The following EXT2 variants were observed in gnomAD, a reference collection of about 807,000 sequenced individuals.
EXT2 encodes the protein exostosin glycosyltransferase 2, also known as exostosin-2.
In EXT2, 53 loss-of-function variants were observed where a neutral mutation model predicts 81.6. The ratio of observed to expected loss-of-function variants is 0.65; its 90% CI spans 0.52 to 0.82. The LOEUF (loss-of-function observed/expected upper bound fraction) is 0.82, where lower values mean the gene tolerates loss of function less well. Among genes scored for constraint, EXT2 ranks in the 40% least tolerant of loss-of-function variants. The pLI is 0.00. For synonymous variants in EXT2, 320 were observed against 340.0 expected (o/e 0.94, Z 0.65); for missense variants, 774 against 910.2 (o/e 0.85, Z 1.93).
intron 7 of EXT2, among the ~76,000 whole-genome samples, chr11:44,139,572 C>G (rs1344753006): frequency 6.6e-6 from 1 of 152,152 alleles, no homozygotes; most frequent in Non-Finnish European, 1.5e-5. Context: ...TTTTCCTCTT[C>G]TCCCCATTTT....
At chr11:44,162,403 G>A (rs1024991189) in intron 7 of EXT2, among the ~76,000 whole-genome samples, 13 of 151,652 alleles carry the variant, frequency 8.6e-5, no homozygotes, top group Non-Finnish European at 1.3e-4. Context: ...TGGCAAAACT[G>A]CATCTCTACT....
At chr11:44,237,120 G>A (rs998959816) in intron 13 of EXT2, among the ~76,000 whole-genome samples, 1 of 152,100 alleles carries the variant, frequency 6.6e-6, no homozygotes, top group Non-Finnish European at 1.5e-5. Flanking sequence ...TCCCAGTAGT[G>A]CTTGTCAGGG....
intron 10 of EXT2, among the ~76,000 whole-genome samples, chr11:44,213,228 G>C (rs540951552): frequency 6.6e-6 from 1 of 152,116 alleles, no homozygotes; most frequent in Non-Finnish European, 1.5e-5. Context: ...CAAGTAGAAG[G>C]AAGAAAGCTA....
rs141646852 is a variant in EXT2 at position 44,159,730 on chromosome 11, A to C, written c.1174-11881A>C. On this transcript the variant is annotated intron_variant, in intron 7 of 13. Coordinates refer to ENST00000533608, the MANE Select transcript of EXT2 (RefSeq NM_207122.2). ...TTTGTTGAAGTACTGGGTGAAAGGA[A>C]CTCTGGGAAATAGGCCTTCAATGGT... 7.2e-5 allele frequency among the ~76,000 whole-genome samples: 11 copies of C among 152,252 alleles called. No individual in the cohort carries two copies. In the South Asian group the frequency reaches 1.2e-3, roughly 17 times the overall value.
At position 44,187,424 on chromosome 11, in the gene EXT2, C is replaced by T. The variant is rs921314971; in HGVS notation, c.1306-10405C>T. Among the ~76,000 whole-genome samples the T allele has an allele frequency of 4.6e-5, 7 of 152,156 alleles. No individual in the cohort carries two copies. The Middle Eastern group carries it at 0.01, about 222-fold the overall frequency. On this transcript the variant is annotated intron_variant, in intron 8 of 13. Transcript: ENST00000533608. ...CTCCTGGCCTCCAGCTCTTGAACTCCTGGCCTCGAGCAATCCTCCCACCCT... is the reference window on the plus strand; with the variant it reads ...CTCCTGGCCTCCAGCTCTTGAACTCTTGGCCTCGAGCAATCCTCCCACCCT...
chr11:44,234,073 C>G (rs749993579), intron 11 of EXT2, 42 bp from the exon 12 acceptor site: 4 of 1,613,494 alleles, frequency 2.5e-6, no homozygotes, highest in Non-Finnish European at 2.5e-6. Flanking sequence ...CTAAAGGGAA[C>G]TGCTATTTTT....
rs147967248 is a variant in EXT2, at chr11:44,111,551, C to T, written c.626+2268C>T. ...TTTTCTCAGATGTGTTCTGTAATACCGTTACTACCTTGGATTTCTTATCCT... is the reference window on the plus strand; with the variant it reads ...TTTTCTCAGATGTGTTCTGTAATACTGTTACTACCTTGGATTTCTTATCCT... On this transcript the variant is annotated intron_variant, in intron 3 of 13. Transcript: ENST00000533608. 6.4e-3 allele frequency among the ~76,000 whole-genome samples: 969 copies of T among 152,252 alleles called. 8 individuals carry two copies. The highest frequency in any genetic ancestry group is 0.021 in the African/African-American group (886 of 41,528).
At chr11:44,239,843 A>T (rs1281230315) in intron 13 of EXT2, among the ~76,000 whole-genome samples, 1 of 152,028 alleles carries the variant, frequency 6.6e-6, no homozygotes, top group Non-Finnish European at 1.5e-5. Context: ...GAGCCCAGTC[A>T]TCCCTCGGTA....
At chr11:44,221,758 A>C (rs1252504855) in intron 10 of EXT2, among the ~76,000 whole-genome samples, 4 of 152,244 alleles carry the variant, frequency 2.6e-5, no homozygotes, top group Admixed American at 2.6e-4. Context: ...CAGTGTATGT[A>C]GCTTTCGGAG....
chr11:44,114,131 T>G, intron 3 of EXT2, 54 bp from the exon 4 acceptor site: 2 of 1,422,620 alleles, frequency 1.4e-6, no homozygotes, highest in Non-Finnish European at 2.0e-6. Flanking sequence ...CCACAGTGTG[T>G]ATCAGAATAA....
chr11:44,172,379 G>T (rs995571191), intron 8 of EXT2, among the ~76,000 whole-genome samples: 1 of 152,066 alleles, frequency 6.6e-6, no homozygotes, highest in Non-Finnish European at 1.5e-5. Context: ...TGGCTTCTAG[G>T]CACAGCTTCT....
intron 6 of EXT2, among the ~76,000 whole-genome samples, chr11:44,129,356 C>T (rs1268539062): frequency 6.6e-6 from 1 of 152,232 alleles, no homozygotes; most frequent in Non-Finnish European, 1.5e-5. Context: ...ATACTCTTTG[C>T]TGTGACTCTG....
chr11:44,211,116 A>G (rs1955642730), intron 10 of EXT2, among the ~76,000 whole-genome samples: 1 of 152,246 alleles, frequency 6.6e-6, no homozygotes, highest in East Asian at 1.9e-4. Flanking sequence ...ATATAGGACA[A>G]TGAAACAGAA....
chr11:44,140,738 T>C (rs560090886), intron 7 of EXT2, among the ~76,000 whole-genome samples: 2 of 152,370 alleles, frequency 1.3e-5, no homozygotes, highest in South Asian at 2.1e-4. Flanking sequence ...CCTGCTCTTC[T>C]TCTAACTAAA....
intron 13 of EXT2, among the ~76,000 whole-genome samples, chr11:44,237,042 T>A (rs1190798141): frequency 3.3e-5 from 5 of 152,310 alleles, no homozygotes; most frequent in Non-Finnish European, 5.9e-5. Context: ...CCCCAAGCTT[T>A]GAAGTGCCTG....
At chr11:44,206,178 T>C (rs1285782332) in intron 9 of EXT2, among the ~76,000 whole-genome samples, 2 of 152,226 alleles carry the variant, frequency 1.3e-5, no homozygotes, top group African/African-American at 4.8e-5. Context: ...ACTCATTCAA[T>C]AAAACATACT....
intron 7 of EXT2, chr11:44,144,177 C>A: frequency 7.3e-7 from 1 of 1,373,032 alleles, no homozygotes; most frequent in Non-Finnish European, 1.0e-6. Context: ...GCTAGTTGAC[C>A]CAAGTTGTGC....
chr11:44,160,959 A>G (rs190871853), intron 7 of EXT2, among the ~76,000 whole-genome samples: 1 of 152,038 alleles, frequency 6.6e-6, no homozygotes, highest in South Asian at 2.1e-4. Context: ...TTTCTTATTC[A>G]TTAATTACTT....
At chr11:44,112,934 A>G (rs112421019) in intron 3 of EXT2, among the ~76,000 whole-genome samples, 15 of 152,232 alleles carry the variant, frequency 9.9e-5, no homozygotes, top group African/African-American at 3.6e-4. Flanking sequence ...TATTGCATCC[A>G]TGTCTGCTTC....
Sources: gnomAD v4.1 joint callset for allele counts (sites outside exome capture counted in the v4.1 genomes callset) on GRCh38, gnomAD v4.1.1 for gene constraint, MANE v1.5 for transcripts, NCBI Gene and HGNC (gene_info 2026-07-23, HGNC 2026-07-21) for gene names.